Variants in PDLIM5 observed in about 807,000 individuals in gnomAD.
PDLIM5 encodes the protein PDZ and LIM domain 5.
A neutral mutation model predicts 64.2 loss-of-function variants in PDLIM5; 34 were observed. That is an observed-to-expected ratio of 0.53 (90% CI 0.40 to 0.71). PDLIM5 has a LOEUF of 0.71. Among genes scored for constraint, PDLIM5 ranks in the 30% least tolerant of loss-of-function variants. The pLI is 0.00. For missense variants in PDLIM5, 683 were observed against 733.6 expected (o/e 0.93, Z 0.80); for synonymous variants, 253 against 269.1 (o/e 0.94, Z 0.59).
intron 1 of PDLIM5, among the ~76,000 whole-genome samples, chr4:94,452,762 G>A (rs978212045): frequency 4.6e-5 from 7 of 152,180 alleles, no homozygotes; most frequent in Admixed American, 3.3e-4. Context: ...GTGATCGCCA[G>A]ATCCTATCCC....
intron 2 of PDLIM5, among the ~76,000 whole-genome samples, chr4:94,459,335 A>G (rs1269985352): frequency 6.6e-6 from 1 of 152,216 alleles, no homozygotes; most frequent in Non-Finnish European, 1.5e-5. Context: ...TCTTTAAGAG[A>G]TAAGAATTAG....
intron 11 of PDLIM5, among the ~76,000 whole-genome samples, chr4:94,659,668 C>T (rs894416326): frequency 2.0e-5 from 3 of 151,852 alleles, no homozygotes; most frequent in Admixed American, 6.6e-5. Flanking sequence ...GCTGGGACTA[C>T]AGGCACCCGC....
At chr4:94,484,715 G>T (rs1464372558) in intron 2 of PDLIM5, among the ~76,000 whole-genome samples, 2 of 152,146 alleles carry the variant, frequency 1.3e-5, no homozygotes, top group African/African-American at 2.4e-5. Context: ...AAGGACACTG[G>T]GTTTGAAGTC....
chr4:94,477,353 A>G (rs1725414063), intron 2 of PDLIM5, among the ~76,000 whole-genome samples: 1 of 152,212 alleles, frequency 6.6e-6, no homozygotes, highest in South Asian at 2.1e-4. Flanking sequence ...TTAAGTTAAT[A>G]TGAGTTAGTA....
intron 2 of PDLIM5, among the ~76,000 whole-genome samples, chr4:94,492,829 A>C (rs1043112462): frequency 1.3e-5 from 2 of 152,194 alleles, no homozygotes; most frequent in African/African-American, 4.8e-5. Context: ...TGCTGCTGTG[A>C]ACATTTGTGC....
At chr4:94,524,040 T>C (rs2510783) in intron 3 of PDLIM5, among the ~76,000 whole-genome samples, 165 bp downstream of exon 3, 30,476 of 152,002 alleles carry the variant, frequency 0.2, 3,469 homozygotes, top group East Asian at 0.28. Flanking sequence ...AGCAAGAGAA[T>C]TGCTGAAAGC....
chr4:94,582,551 A>G (rs1052241716), intron 5 of PDLIM5: 9 of 541,584 alleles, frequency 1.7e-5, no homozygotes, highest in African/African-American at 3.9e-5. Context: ...TTGAAGCATG[A>G]TGTTTGTGTA....
intron 9 of PDLIM5, among the ~76,000 whole-genome samples, chr4:94,650,658 C>A (rs539781593): frequency 6.6e-6 from 1 of 152,094 alleles, no homozygotes; most frequent in South Asian, 2.1e-4. Context: ...AATTAAATAA[C>A]AAAGAGCAGC....
chr4:94,653,486 A>T (rs1032692929), intron 9 of PDLIM5, among the ~76,000 whole-genome samples: 3 of 152,154 alleles, frequency 2.0e-5, no homozygotes, highest in East Asian at 1.9e-4. Flanking sequence ...TTCATAATGG[A>T]TTCCTGCCAA....
chr4:94,562,370 T>C (rs1308544583), intron 3 of PDLIM5, among the ~76,000 whole-genome samples: 2 of 152,334 alleles, frequency 1.3e-5, no homozygotes, highest in East Asian at 3.9e-4. Context: ...TGTTATTGCT[T>C]CATACTTGTA....
intron 3 of PDLIM5, among the ~76,000 whole-genome samples, chr4:94,548,753 G>C (rs1235288230): frequency 2.6e-5 from 4 of 152,124 alleles, no homozygotes; most frequent in Non-Finnish European, 2.9e-5. Flanking sequence ...GCTTAGTATA[G>C]TTCACAGATA....
intron 2 of PDLIM5, chr4:94,457,007 G>A (rs1723433656): frequency 1.0e-6 from 1 of 974,100 alleles, no homozygotes; most frequent in Admixed American, 6.0e-5. Flanking sequence ...AATTTAGTTA[G>A]TTGTTTCTTT....
intron 2 of PDLIM5, among the ~76,000 whole-genome samples, chr4:94,508,803 T>C (rs1728618268): frequency 6.6e-6 from 1 of 152,236 alleles, no homozygotes; most frequent in African/African-American, 2.4e-5. Context: ...AAACTGTGAT[T>C]ACTTTTGCAC....
intron 3 of PDLIM5, among the ~76,000 whole-genome samples, chr4:94,558,301 G>C (rs935239828): frequency 2.0e-5 from 3 of 152,148 alleles, no homozygotes; most frequent in Non-Finnish European, 2.9e-5. Context: ...TTGCTTGGCT[G>C]TAAGTAAAAT....
intron 7 of PDLIM5, among the ~76,000 whole-genome samples, chr4:94,594,147 A>T (rs1030898862): frequency 6.6e-6 from 1 of 152,228 alleles, no homozygotes; most frequent in South Asian, 2.1e-4. Context: ...AACCATACCT[A>T]AGTCACTTGA....
At chr4:94,454,999 G>C (rs766927572) in intron 1 of PDLIM5, among the ~76,000 whole-genome samples, 17 of 152,208 alleles carry the variant, frequency 1.1e-4, no homozygotes, top group Non-Finnish European at 2.2e-4. Context: ...ATTGAAGCAA[G>C]TTGTGAAACA....
chr4:94,483,380 A>C (rs1044773979), intron 2 of PDLIM5, among the ~76,000 whole-genome samples: 1 of 152,322 alleles, frequency 6.6e-6, no homozygotes, highest in East Asian at 1.9e-4. Flanking sequence ...TCAAAAGTAC[A>C]TGGCCAGTTT....
At chr4:94,564,422 C>T (rs969042678) in intron 3 of PDLIM5, among the ~76,000 whole-genome samples, 1 of 152,136 alleles carries the variant, frequency 6.6e-6, no homozygotes, top group Admixed American at 6.6e-5. Context: ...TACATTCCTG[C>T]CTCAGGACTT....
chr4:94,537,299 C>T (rs2510778), intron 3 of PDLIM5, among the ~76,000 whole-genome samples: 1 of 151,902 alleles, frequency 6.6e-6, no homozygotes, highest in African/African-American at 2.4e-5. Context: ...TTTCCTGTTA[C>T]AATGAATGTG....
Sources: allele counts gnomAD v4.1 joint callset (sites outside exome capture counted in the v4.1 genomes callset), GRCh38; gene constraint gnomAD v4.1.1; transcripts MANE v1.5; gene names NCBI Gene and HGNC (gene_info 2026-07-23, HGNC 2026-07-21).